The following ZC4H2 variants were observed in gnomAD, a reference collection of about 807,000 sequenced individuals.
The protein encoded by ZC4H2 is zinc finger C4H2-type containing, also known as zinc finger C4H2 domain-containing protein.
For synonymous variants in ZC4H2, 84 were observed against 66.3 expected (o/e 1.27, Z -1.30); for missense variants, 137 against 173.9 (o/e 0.79, Z 1.19).
chrX:64,947,385 A>G (rs1205772457), intron 1 of ZC4H2, among the ~76,000 whole-genome samples: 1 of 111,734 alleles, frequency 8.9e-6, no homozygotes, highest in Non-Finnish European at 1.9e-5. Flanking sequence ...ATCCTTGATG[A>G]TTTCTGGCTT....
At chrX:65,020,698 G>A (rs759466605) in intron 1 of ZC4H2, among the ~76,000 whole-genome samples, 35 of 111,620 alleles carry the variant, frequency 3.1e-4, no homozygotes, top group Non-Finnish European at 6.4e-4. Flanking sequence ...AACCTTAAAA[G>A]TAAACGAGCT....
At chrX:64,979,210 G>A (rs143684170), upstream of ZC4H2, among the ~76,000 whole-genome samples, 105 of 111,798 alleles carry the variant, frequency 9.4e-4, no homozygotes, top group African/African-American at 3.3e-3. Flanking sequence ...CTCTTCCTAT[G>A]GCCCCATGCG....
At chrX:64,950,473 G>T (rs1356444552) in intron 1 of ZC4H2, among the ~76,000 whole-genome samples, 1 of 111,266 alleles carries the variant, frequency 9.0e-6, no homozygotes, top group Non-Finnish European at 1.9e-5. Context: ...TTATTATTGT[G>T]TGGGAGTCTA....
intron 1 of ZC4H2, among the ~76,000 whole-genome samples, chrX:64,929,262 G>C (rs1286197928): frequency 1.8e-5 from 2 of 110,965 alleles, no homozygotes; most frequent in Non-Finnish European, 3.8e-5. Flanking sequence ...TGTAGATTCT[G>C]GGTATTAGTC....
chrX:64,944,701 AC>A (rs1319649358), intron 1 of ZC4H2, among the ~76,000 whole-genome samples: 1 of 110,778 alleles, frequency 9.0e-6, no homozygotes, highest in African/African-American at 3.3e-5. Context: ...TCTCCCCATC[AC>A]TTTTAGGTAC....
At chrX:64,922,132 C>G (rs1929224878) in intron 1 of ZC4H2, 144 bp from the exon 2 acceptor site, 1 of 1,087,072 alleles carries the variant, frequency 9.2e-7, no homozygotes, top group African/African-American at 1.9e-5. Flanking sequence ...AAAAGAAGGC[C>G]AGGTGCAATG....
At chrX:64,978,535 T>C (rs1012062026), upstream of ZC4H2, among the ~76,000 whole-genome samples, 2 of 111,981 alleles carry the variant, frequency 1.8e-5, no homozygotes, top group African/African-American at 3.3e-5. Flanking sequence ...GCTACTGTGC[T>C]GAGTCTGATA....
intron 1 of ZC4H2, among the ~76,000 whole-genome samples, chrX:65,034,334 A>T (rs1932979355): frequency 8.9e-6 from 1 of 111,846 alleles, no homozygotes; most frequent in Non-Finnish European, 1.9e-5. Flanking sequence ...AAGGGAGGTG[A>T]CCCTTAACCA....
intron 1 of ZC4H2, among the ~76,000 whole-genome samples, chrX:65,028,171 G>T (rs182583721): frequency 2.2e-4 from 24 of 110,577 alleles, no homozygotes; most frequent in East Asian, 8.6e-4. Flanking sequence ...CAGCTATCTA[G>T]CTAGCTAGCT....
chrX:64,989,321 T>C (rs1241115214), intron 1 of ZC4H2, among the ~76,000 whole-genome samples: 2 of 111,993 alleles, frequency 1.8e-5, no homozygotes, highest in Non-Finnish European at 3.8e-5. Flanking sequence ...GTATGGCCAT[T>C]TTCACGATAT....
At chrX:64,973,268 C>A (rs1256103011) in intron 1 of ZC4H2, among the ~76,000 whole-genome samples, 7 of 110,260 alleles carry the variant, frequency 6.3e-5, no homozygotes, top group African/African-American at 2.3e-4. Flanking sequence ...GTGACTGGAG[C>A]ATTTTTTAAA....
chrX:64,989,886 G>T (rs1002674480), intron 1 of ZC4H2, among the ~76,000 whole-genome samples: 6 of 111,578 alleles, frequency 5.4e-5, no homozygotes, highest in African/African-American at 1.6e-4. Context: ...CCAAATGCTG[G>T]CAAAGATACA....
chrX:64,961,531 A>G (rs1299566857), intron 1 of ZC4H2, among the ~76,000 whole-genome samples: 2 of 111,606 alleles, frequency 1.8e-5, no homozygotes, highest in African/African-American at 6.5e-5. Context: ...ATCAGCTAAT[A>G]ATTCTATTAA....
intron 1 of ZC4H2, among the ~76,000 whole-genome samples, chrX:64,970,693 T>C (rs1931753967): frequency 8.9e-6 from 1 of 112,031 alleles, no homozygotes; most frequent in Non-Finnish European, 1.9e-5. Flanking sequence ...AGGCATTTCA[T>C]ATGGGTCTTC....
At chrX:64,973,757 C>T (rs1341425727) in intron 1 of ZC4H2, among the ~76,000 whole-genome samples, 1 of 111,497 alleles carries the variant, frequency 9.0e-6, no homozygotes, top group African/African-American at 3.3e-5. Flanking sequence ...TATTATTGGA[C>T]ATAGATTTAT....
At chrX:64,991,350 G>T (rs767429891) in intron 1 of ZC4H2, among the ~76,000 whole-genome samples, 1 of 111,594 alleles carries the variant, frequency 9.0e-6, no homozygotes, top group Non-Finnish European at 1.9e-5. Flanking sequence ...GGTCAATACT[G>T]GTTAAGCATA....
At chrX:64,982,356 A>C (rs943768844) in intron 1 of ZC4H2, among the ~76,000 whole-genome samples, 2 of 112,115 alleles carry the variant, frequency 1.8e-5, no homozygotes, top group Non-Finnish European at 3.8e-5. Flanking sequence ...AGAACTACTC[A>C]TAGGGCCCTT....
chrX:65,009,623 C>A (rs1932727077), intron 1 of ZC4H2, among the ~76,000 whole-genome samples: 1 of 112,006 alleles, frequency 8.9e-6, no homozygotes, highest in African/African-American at 3.2e-5. Flanking sequence ...CCCTGCAAAG[C>A]AAAAGTCAGG....
chrX:64,946,891 C>T lies in ZC4H2; in HGVS notation c.54-24903G>A, dbSNP rs909542175. Among the ~76,000 whole-genome samples, 3 of 111,402 alleles carry T rather than the reference C, an allele frequency of 2.7e-5. No homozygotes were observed. In the South Asian group the frequency reaches 1.1e-3, roughly 42 times the overall value. ...GTTTCTGTTTTTTGCTTGCCTTCAT[C>T]TTATTTTTCTCTTCTTCCTCGAGTT... On this transcript the variant is annotated intron_variant, in intron 1 of 4. Coordinates refer to ENST00000374839, the MANE Select transcript of ZC4H2 (RefSeq NM_018684.4).
Sources: gnomAD v4.1 joint callset for allele counts (sites outside exome capture counted in the v4.1 genomes callset) on GRCh38, gnomAD v4.1.1 for gene constraint, MANE v1.5 for transcripts, NCBI Gene and HGNC (gene_info 2026-07-23, HGNC 2026-07-21) for gene names.